SP6: variants seen among roughly 807,000 people sequenced by gnomAD.
SP6 encodes transcription factor Sp6.
A neutral mutation model predicts 23.4 loss-of-function variants in SP6; 10 were observed. The ratio of observed to expected loss-of-function variants is 0.43; its 90% CI spans 0.26 to 0.72. The LOEUF is 0.72. SP6 is among the 30% of genes least tolerant of loss of function. The pLI, the probability that SP6 is intolerant of heterozygous loss-of-function variation, is 0.23. For missense variants in SP6, 482 were observed against 523.8 expected (o/e 0.92, Z 0.78); for synonymous variants, 238 against 238.7 (o/e 1.00, Z 0.03).
Position 47,848,375 on chromosome 17 carries a change from C to T in SP6, c.55G>A (p.Ala19Thr). 1.8e-5 allele frequency: 29 copies of T among 1,568,558 alleles called. No individual in the cohort carries two copies. The highest frequency in any genetic ancestry group is 2.4e-5 in the Non-Finnish European group (28 of 1,157,654). The change falls in exon 2 of 2, where the codon GCC becomes ACC. Residue 19 changes from alanine to threonine, a missense_variant. Transcript: ENST00000536300. The surrounding 1 kb of genome is among the most constrained non-coding windows in gnomAD (Gnocchi z 5.3). ...TGCAGGTCGAGGCGCGGCGGGGAGG[C>T]GTGCGGCGCTTCCGTGTGCTGGCTG... ...LGSQHTEAPHASPPRLDLQPL... is the reference protein window; with the variant it reads ...LGSQHTEAPHTSPPRLDLQPL...
chr17:47,855,437 C>T (rs1488677137), upstream of SP6, among the ~76,000 whole-genome samples: 2 of 152,222 alleles, frequency 1.3e-5, no homozygotes, highest in Non-Finnish European at 2.9e-5. Flanking sequence ...TGAATCCCTA[C>T]CCCACTTCTC....
At chr17:47,860,009 G>A (rs1330091313), upstream of SP6, among the ~76,000 whole-genome samples, 2 of 152,080 alleles carry the variant, frequency 1.3e-5, no homozygotes, top group South Asian at 2.1e-4. Context: ...CAGTCATGTC[G>A]TGCCTCAGCT....
chr17:47,847,146 G>A lies in SP6; in HGVS notation c.*153C>T. The A allele has an allele frequency of 1.3e-6, 1 of 786,820 alleles. No individual in the cohort carries two copies. The highest frequency in any genetic ancestry group is 3.0e-5 in the Admixed American group (1 of 33,818). 48.7% of individuals were successfully genotyped at this position (786,820 alleles called of 1,614,324 possible). On this transcript the variant is annotated 3_prime_UTR_variant, in exon 2 of 2. Transcript: ENST00000536300. ...TAGCCCCAGAGACTAAGAACCCCTA[G>A]CGCCCCATCTCCCTGTCCCTGCACC...
In SP6 at chr17:47,848,145, G is replaced by C; in HGVS notation, c.285C>G (p.Leu95=). The C allele has an allele frequency of 6.2e-7, 1 of 1,613,556 alleles. No individual in the cohort carries two copies. The highest frequency in any genetic ancestry group is 8.5e-7 in the Non-Finnish European group (1 of 1,179,992). The stretch of plus-strand genomic sequence containing the variant: ...AATGGTGTGACATGTCCGGCTGCAG[G>C]AGCTTGGAAAAGGGGCCCGGGGCCA... The part of the protein sequence containing the change: ...SPLAPGPFSK[L]LQPDMSHHYE... Residue 95 remains leucine (L), a synonymous_variant, in exon 2 of 2, where the codon CTC becomes CTG. Transcript: ENST00000536300. The surrounding 1 kb of genome is among the most constrained non-coding windows in gnomAD (Gnocchi z 5.3).
At chr17:47,873,452 G>C in the SP6 span, among the ~76,000 whole-genome samples, 1 of 152,204 alleles carries the variant, frequency 6.6e-6, no homozygotes, top group Non-Finnish European at 1.5e-5. Flanking sequence ...TCTGACAACA[G>C]CCCTAGGTTA....
chr17:47,848,038 T>G lies in SP6; in HGVS notation c.392A>C (p.Asp131Ala), dbSNP rs1329657626. Reference sequence around the variant, plus strand: ...CAGCGCGCCCTGAGTGTGGGGGAGGTCCATCCAGCTGGTGCCCGGATGAAG... The same window carrying G: ...CAGCGCGCCCTGAGTGTGGGGGAGGGCCATCCAGCTGGTGCCCGGATGAAG... Reference protein sequence around the residue: ...WDLHPGTSWMDLPHTQGALTS... With the variant: ...WDLHPGTSWMALPHTQGALTS... The change falls in exon 2 of 2, where the codon GAC (aspartate) becomes GCC (alanine). Residue 131 changes from aspartate (D) to alanine (A), a missense_variant. Asp to Ala is a moderately radical substitution (Grantham distance 126). Coordinates refer to ENST00000536300, the MANE Select transcript of SP6 (RefSeq NM_001258248.2). The surrounding 1 kb of genome is among the most constrained non-coding windows in gnomAD (Gnocchi z 5.3). 2.5e-6 allele frequency: 4 copies of G among 1,611,420 alleles called. No individual in the cohort carries two copies. The highest frequency in any genetic ancestry group is 3.4e-6 in the Non-Finnish European group (4 of 1,179,404).
chr17:47,864,248 TG>T, the SP6 span, among the ~76,000 whole-genome samples: 22 of 143,034 alleles, frequency 1.5e-4, no homozygotes, highest in African/African-American at 6.3e-4. Flanking sequence ...TTCCTTTTTT[TG>T]TTTTTGTTTT....
the SP6 span, among the ~76,000 whole-genome samples, chr17:47,863,877 T>A: frequency 6.6e-6 from 1 of 151,838 alleles, no homozygotes; most frequent in Admixed American, 6.6e-5. Context: ...TAGCTGGGAC[T>A]ACAGGTGCCC....
chr17:47,873,930 C>T, the SP6 span, among the ~76,000 whole-genome samples: 1 of 149,314 alleles, frequency 6.7e-6, no homozygotes, highest in Non-Finnish European at 1.5e-5. Context: ...CTTCTTCTTC[C>T]TTCTCTTCTC....
chr17:47,867,801 G>A, the SP6 span, among the ~76,000 whole-genome samples: 7 of 152,160 alleles, frequency 4.6e-5, no homozygotes, highest in African/African-American at 1.2e-4. Flanking sequence ...CCAGTTTTGA[G>A]GTGAGGAGCC....
rs1202130133 is a variant in SP6, at chr17:47,847,432, A to C, written c.998T>G (p.Met333Arg). Residue 333 changes from methionine to arginine, a missense_variant, in exon 2 of 2, where the codon ATG (methionine) becomes AGG (arginine). Physicochemically the swap from Met to Arg is moderately conservative, Grantham distance 91. Around this residue, in one of 3 missense-constraint regions of SP6, gnomAD observed 101 missense variants for 99.3 expected, o/e 1.02. Coordinates refer to ENST00000536300, the MANE Select transcript of SP6 (RefSeq NM_001258248.2). The stretch of plus-strand genomic sequence containing the variant: ...CTCCTTGGCGCCCTCGTGGGTTTTC[A>C]TGTGCTTGGCCAGGTGGTCGCTGCG... The part of the protein sequence containing the change: ...FMRSDHLAKH[M>R]KTHEGAKEEA... 3 of 1,613,536 alleles carry C rather than the reference A, an allele frequency of 1.9e-6. No homozygotes were observed. Among genetic ancestry groups the C allele is most frequent in the Non-Finnish European group, 1.7e-6 (2 of 1,179,866 alleles).
chr17:47,861,238 A>G, the SP6 span, among the ~76,000 whole-genome samples: 1 of 151,798 alleles, frequency 6.6e-6, no homozygotes, highest in Non-Finnish European at 1.5e-5. Context: ...TATTACCTGG[A>G]GCTCTGGGGG....
the SP6 span, among the ~76,000 whole-genome samples, chr17:47,862,415 C>T: frequency 3.4e-5 from 5 of 145,078 alleles, no homozygotes; most frequent in Non-Finnish European, 4.5e-5. Flanking sequence ...GGCTGAGGCA[C>T]GAGAATCGTT....
the SP6 span, among the ~76,000 whole-genome samples, chr17:47,862,463 G>T: frequency 2.1e-5 from 3 of 142,624 alleles, no homozygotes; most frequent in Non-Finnish European, 4.5e-5. Context: ...AACTGAGATC[G>T]CAACACTGCA....
At chr17:47,857,147 T>G (rs909078192), upstream of SP6, among the ~76,000 whole-genome samples, 15 of 151,898 alleles carry the variant, frequency 9.9e-5, no homozygotes, top group Non-Finnish European at 1.5e-5. Flanking sequence ...TAGGCAAAAT[T>G]GGGAGGACAG....
At chr17:47,859,642 T>G (rs1001885270), upstream of SP6, among the ~76,000 whole-genome samples, 2 of 152,156 alleles carry the variant, frequency 1.3e-5, no homozygotes, top group Admixed American at 1.3e-4. Context: ...AGGGCATCAG[T>G]GAAGGCAGAA....
At chr17:47,865,794 C>T in the SP6 span, among the ~76,000 whole-genome samples, 2 of 152,088 alleles carry the variant, frequency 1.3e-5, no homozygotes, top group African/African-American at 4.8e-5. Context: ...AGTGGGTTCC[C>T]TCCATCCCCA....
the SP6 span, among the ~76,000 whole-genome samples, chr17:47,862,994 G>A: frequency 6.6e-6 from 1 of 152,268 alleles, no homozygotes; most frequent in East Asian, 1.9e-4. Flanking sequence ...TGCCAAATTA[G>A]AGACACGAAG....
Position 47,847,167 on chromosome 17 carries a change from GCAC to G in SP6, c.*129_*131del. ...CCTAGCGCCCCATCTCCCTGTCCCT[GCAC>G]CACTTTTCCTCCTCCCTGAATAAAT... On this transcript the variant is annotated 3_prime_UTR_variant, in exon 2 of 2. Coordinates refer to ENST00000536300, the MANE Select transcript of SP6 (RefSeq NM_001258248.2). 1.0e-6 allele frequency: 1 copy of G among 969,642 alleles called. No homozygotes were observed. Among genetic ancestry groups the G allele is most frequent in the South Asian group, 1.7e-5 (1 of 57,684 alleles). The allele number at this position is 969,642 out of a possible 1,614,324, so 60.1% of individuals were successfully genotyped here.
Sources: allele counts gnomAD v4.1 joint callset (sites outside exome capture counted in the v4.1 genomes callset), GRCh38; gene constraint gnomAD v4.1.1; regional missense constraint gnomAD v4.1.1; non-coding constraint Gnocchi (gnomAD v3.1); transcripts MANE v1.5; gene names NCBI Gene and HGNC (gene_info 2026-07-23, HGNC 2026-07-21).